The following SYNE2 variants were observed in gnomAD, a reference collection of about 807,000 sequenced individuals.
The protein encoded by SYNE2 is nesprin-2.
Under a neutral mutation model 856.3 loss-of-function variants are expected in SYNE2, and 431 were observed. The ratio of observed to expected loss-of-function variants is 0.50; its 90% confidence interval spans 0.47 to 0.55. The LOEUF (loss-of-function observed/expected upper bound fraction) is 0.55. Among genes scored for constraint, SYNE2 ranks in the 20% least tolerant of loss-of-function variants. The pLI, the probability that SYNE2 is intolerant of heterozygous loss-of-function variation, is 0.00. For missense variants in SYNE2, 8,129 were observed against 8,023.2 expected, an observed-to-expected ratio of 1.01 and a Z score of -0.50; for synonymous variants, 2,923 against 2,872.3, an observed-to-expected ratio of 1.02 and a Z score of -0.56.
intron 108 of SYNE2, 144 bp downstream of exon 108, chr14:64,216,531 G>T (rs2098667431): frequency 2.1e-6 from 2 of 944,456 alleles, no homozygotes; most frequent in Non-Finnish European, 3.4e-6. Context: ...CAGTGTCTCT[G>T]TTGAGCTGTC....
At chr14:63,827,390 C>T (rs1345822711) in intron 1 of SYNE2, among the ~76,000 whole-genome samples, 4 of 150,610 alleles carry the variant, frequency 2.7e-5, no homozygotes, top group African/African-American at 7.3e-5. Context: ...TTTGGGAGAC[C>T]GAGGCAGGTG....
intron 45 of SYNE2, among the ~76,000 whole-genome samples, chr14:64,033,434 G>A (rs1342915453): frequency 6.6e-6 from 1 of 151,828 alleles, no homozygotes; most frequent in African/African-American, 2.4e-5. Context: ...ATCTCAGCAC[G>A]TGAGGAGGCC....
chr14:63,938,033 CAA>C lies in SYNE2; in HGVS notation c.80-2579_80-2578del, dbSNP rs200476117. ...ATGGAGGAGTTGTTATTAGTAATGA[CAA>C]AGTCTGGAGTATGACCACGACAGCA... On this transcript the variant is annotated intron_variant, in intron 2 of 115. Coordinates refer to ENST00000555002, the MANE Select transcript of SYNE2 (RefSeq NM_182914.3). 5.7e-3 allele frequency among the ~76,000 whole-genome samples: 863 copies of C among 152,174 alleles called. 4 individuals are homozygous for C. Among genetic ancestry groups the C allele is most frequent in the African/African-American group, 0.019 (794 of 41,488 alleles).
intron 50 of SYNE2, among the ~76,000 whole-genome samples, chr14:64,064,471 C>T (rs2097342159): frequency 6.6e-6 from 1 of 151,246 alleles, no homozygotes; most frequent in South Asian, 2.1e-4. Flanking sequence ...TATTTTTGGA[C>T]CGTTGTTAAT....
intron 94 of SYNE2, among the ~76,000 whole-genome samples, chr14:64,173,017 A>T (rs984143469): frequency 6.6e-5 from 10 of 152,116 alleles, no homozygotes; most frequent in Non-Finnish European, 1.0e-4. Context: ...GTGTGGTTAC[A>T]TCTGGGTCTT....
intron 1 of SYNE2, among the ~76,000 whole-genome samples, chr14:63,791,955 C>CA (rs370463860): frequency 2.9e-5 from 4 of 139,826 alleles, no homozygotes; most frequent in Admixed American, 7.4e-5. Context: ...AAAAAAAAAA[C>CA]AAAAACAAAA....
intron 49 of SYNE2, among the ~76,000 whole-genome samples, chr14:64,060,956 C>A (rs972902731): frequency 8.5e-5 from 13 of 152,196 alleles, no homozygotes; most frequent in Non-Finnish European, 1.8e-4. Context: ...TTCCCTCCCC[C>A]ACGTGCACGG....
rs1401815712 is a variant in SYNE2, at chr14:63,967,695, T to C, written c.991-14T>C. On this transcript the variant is annotated splice_polypyrimidine_tract_variant and intron_variant, in intron 10 of 115. Coordinates refer to ENST00000555002, the MANE Select transcript of SYNE2 (RefSeq NM_182914.3). ...TAAACATTTTCAATCTTTAAAATAC[T>C]CTTCTAATTGCAGAGCCTGCTGTCC... 1.9e-6 allele frequency: 3 copies of C among 1,613,156 alleles called. No individual in the cohort carries two copies. The highest frequency in any genetic ancestry group is 2.5e-6 in the Non-Finnish European group (3 of 1,179,302).
Position 64,049,602 on chromosome 14 carries a change from T to A in SYNE2, c.7378-9T>A. 6.2e-7 allele frequency: 1 copy of A among 1,613,952 alleles called. No individual in the cohort carries two copies. The highest frequency in any genetic ancestry group is 8.5e-7 in the Non-Finnish European group (1 of 1,179,920). On this transcript the variant is annotated splice_polypyrimidine_tract_variant and intron_variant, in intron 46 of 115. Transcript: ENST00000555002. ...TGTTTATTGACTGATCTGTGTGACT[T>A]ATTTTTAGAAATTATATACCCAGTT...
chr14:64,208,751 A>G lies in SYNE2; in HGVS notation c.18202-7A>G. On this transcript the variant is annotated splice_region_variant and splice_polypyrimidine_tract_variant and intron_variant, in intron 100 of 115. Coordinates refer to ENST00000555002, the MANE Select transcript of SYNE2 (RefSeq NM_182914.3). ...TCAAGAGGTTTCTTACTCTGTTGTA[A>G]TCACAGGATCTACAGCGAGATATTG... 1 of 1,614,192 alleles carries G rather than the reference A, an allele frequency of 6.2e-7. No homozygotes were observed. Among genetic ancestry groups the G allele is most frequent in the Non-Finnish European group, 8.5e-7 (1 of 1,180,030 alleles).
intron 1 of SYNE2, among the ~76,000 whole-genome samples, chr14:63,789,963 A>G (rs181475657): frequency 2.0e-4 from 30 of 152,258 alleles, no homozygotes; most frequent in Admixed American, 1.1e-3. Flanking sequence ...AGAAACTGAG[A>G]TACCTTTAAT....
At chr14:63,857,320 ATTG>A (rs1892073587) in intron 1 of SYNE2, among the ~76,000 whole-genome samples, 2 of 152,008 alleles carry the variant, frequency 1.3e-5, no homozygotes, top group South Asian at 4.1e-4. Context: ...ATTTCTTTTT[ATTG>A]TTAAGTAATA....
Position 64,130,420 on chromosome 14 carries a change from T to C in SYNE2, c.14340+172T>C, listed in dbSNP as rs561090717. On this transcript the variant is annotated intron_variant, in intron 76 of 115. Coordinates refer to ENST00000555002, the MANE Select transcript of SYNE2 (RefSeq NM_182914.3). ...GTGTACCAGGAACCCTGGTACATGCTAGGAATTTGGGTTATGAGTAAAAAC... is the reference window on the plus strand; with the variant it reads ...GTGTACCAGGAACCCTGGTACATGCCAGGAATTTGGGTTATGAGTAAAAAC... 1.8e-4 allele frequency among the ~76,000 whole-genome samples: 28 copies of C among 152,352 alleles called. No homozygotes were observed. In the South Asian group the frequency reaches 4.8e-3, roughly 26 times the overall value.
Position 64,212,007 on chromosome 14 carries a change from T to C in SYNE2, c.18770T>C (p.Ile6257Thr). Reference sequence around the variant, plus strand: ...GAATTTGAGGGCACCAGGGAGAGCATTCTGGTGTGGCTCACAGAGATGGAC... The same window carrying C: ...GAATTTGAGGGCACCAGGGAGAGCACTCTGGTGTGGCTCACAGAGATGGAC... ...REEFEGTRES[I>T]LVWLTEMDLQ... is the part of the protein sequence containing the mutation. Residue 6257 changes from isoleucine to threonine, a missense_variant, in exon 104 of 116, where the codon ATT becomes ACT. By Grantham distance (89) the Ile-to-Thr change is moderately conservative. Coordinates refer to ENST00000555002, the MANE Select transcript of SYNE2 (RefSeq NM_182914.3). 1.2e-6 allele frequency: 2 copies of C among 1,614,198 alleles called. No homozygotes were observed. Among genetic ancestry groups the C allele is most frequent in the Non-Finnish European group, 1.7e-6 (2 of 1,180,038 alleles).
In SYNE2 at chr14:63,940,447, TA is replaced by T. The variant is rs28365778; in HGVS notation, c.80-163del. 0.083 allele frequency among the ~76,000 whole-genome samples: 12,637 copies of T among 152,310 alleles called. 566 individuals are homozygous for T. The highest frequency in any genetic ancestry group is 0.16 in the South Asian group (771 of 4,824). On this transcript the variant is annotated intron_variant, in intron 2 of 115. Coordinates refer to ENST00000555002, the MANE Select transcript of SYNE2 (RefSeq NM_182914.3). Reference sequence around the variant, plus strand: ...AAATATCGTATCAACATGGTTTTTCTAAAACACTACTTGGACAAACATCTAC... The same window carrying T: ...AAATATCGTATCAACATGGTTTTTCTAAACACTACTTGGACAAACATCTAC...
At chr14:64,093,733 C>G (rs928551603) in intron 61 of SYNE2, among the ~76,000 whole-genome samples, 3 of 152,148 alleles carry the variant, frequency 2.0e-5, no homozygotes, top group African/African-American at 7.2e-5. Context: ...GAAGCCTTAT[C>G]TGTTTGTAGC....
At chr14:64,087,950 A>G (rs2097576604) in intron 58 of SYNE2, 94 bp downstream of exon 58, 16 of 1,350,016 alleles carry the variant, frequency 1.2e-5, no homozygotes, top group Admixed American at 1.9e-5. Flanking sequence ...TGGGAGGCCA[A>G]GGCGGGTGGA....
At chr14:63,995,275 A>G in intron 23 of SYNE2, 73 bp downstream of exon 23, 2 of 1,377,684 alleles carry the variant, frequency 1.5e-6, no homozygotes, top group Non-Finnish European at 1.0e-6. Context: ...GTGTATCTTT[A>G]GCCTAGGATG....
At chr14:63,978,813 A>T (rs751150480) in intron 13 of SYNE2, 39 bp from the exon 14 acceptor site, 5 of 1,567,926 alleles carry the variant, frequency 3.2e-6, no homozygotes, top group Non-Finnish European at 4.4e-6. Context: ...TTTGGTCAAT[A>T]ATATTAAGTT....
Sources: gnomAD v4.1 joint callset for allele counts (sites outside exome capture counted in the v4.1 genomes callset) on GRCh38, gnomAD v4.1.1 for gene constraint, MANE v1.5 for transcripts, NCBI Gene and HGNC (gene_info 2026-07-23, HGNC 2026-07-21) for gene names.